The following MAML3 variants were observed in gnomAD, a reference collection of about 807,000 sequenced individuals.
MAML3 encodes mastermind-like protein 3.
Under a neutral mutation model 101.9 loss-of-function variants are expected in MAML3, and 27 were observed. The observed-to-expected ratio is 0.27, with a 90% CI of 0.20 to 0.37. The LOEUF (loss-of-function observed/expected upper bound fraction) is 0.37, where lower values mean the gene tolerates loss of function less well. Among genes scored for constraint, MAML3 ranks in the 10% least tolerant of loss-of-function variants. MAML3 has a pLI of 1.00. For missense variants in MAML3, 1,316 were observed against 1,444.9 expected (o/e 0.91, Z 1.45); for synonymous variants, 501 against 555.9 (o/e 0.90, Z 1.39).
chr4:139,999,036 G>T (rs1245840519), intron 1 of MAML3, among the ~76,000 whole-genome samples: 2 of 152,166 alleles, frequency 1.3e-5, no homozygotes, highest in Non-Finnish European at 2.9e-5. Flanking sequence ...GTAGATATCA[G>T]CCTATGCTTT....
At chr4:139,819,397 T>C (rs965852068) in intron 2 of MAML3, among the ~76,000 whole-genome samples, 1 of 152,228 alleles carries the variant, frequency 6.6e-6, no homozygotes, top group African/African-American at 2.4e-5. Context: ...TTGAATATAA[T>C]GCTAAGAGGC....
chr4:140,084,413 T>G (rs962753640), intron 1 of MAML3, among the ~76,000 whole-genome samples: 1 of 152,236 alleles, frequency 6.6e-6, no homozygotes, highest in African/African-American at 2.4e-5. Context: ...AATGAAGGTA[T>G]GAAACCTGGC....
intron 1 of MAML3, among the ~76,000 whole-genome samples, chr4:140,074,207 A>AAGAG (rs1004116367): frequency 8.1e-6 from 1 of 123,358 alleles, no homozygotes; most frequent in East Asian, 2.3e-4. Context: ...AAGAGAAAGA[A>AAGAG]AGAAAGAAAG....
At chr4:140,078,317 C>T (rs1351014305) in intron 1 of MAML3, among the ~76,000 whole-genome samples, 1 of 152,172 alleles carries the variant, frequency 6.6e-6, no homozygotes, top group African/African-American at 2.4e-5. Flanking sequence ...AAACAGGAGC[C>T]GTACGACCCT....
intron 2 of MAML3, among the ~76,000 whole-genome samples, chr4:139,781,989 G>A (rs1385905045): frequency 6.6e-6 from 1 of 152,210 alleles, no homozygotes; most frequent in Middle Eastern, 3.4e-3. Flanking sequence ...TGGATACCAC[G>A]GGGAACTGTT....
chr4:139,996,115 C>G (rs1477895329), intron 1 of MAML3, among the ~76,000 whole-genome samples: 1 of 152,090 alleles, frequency 6.6e-6, no homozygotes, highest in African/African-American at 2.4e-5. Flanking sequence ...GGTTGGAGAA[C>G]ATATTTCATA....
At chr4:139,967,532 G>A (rs1002683402) in intron 1 of MAML3, among the ~76,000 whole-genome samples, 2 of 145,970 alleles carry the variant, frequency 1.4e-5, no homozygotes, top group Admixed American at 6.9e-5. Context: ...CTTCATCCCC[G>A]GCAGTTTCCC....
chr4:140,114,214 A>G (rs543872088), intron 1 of MAML3, among the ~76,000 whole-genome samples: 2 of 152,320 alleles, frequency 1.3e-5, no homozygotes, highest in East Asian at 3.9e-4. Flanking sequence ...TCTGTGTGCC[A>G]ATCATACTTT....
At chr4:139,973,457 C>T (rs180991622) in intron 1 of MAML3, among the ~76,000 whole-genome samples, 140 of 152,244 alleles carry the variant, frequency 9.2e-4, no homozygotes, top group Non-Finnish European at 1.4e-3. Context: ...TTCGTTTGGG[C>T]GGGTCTACGT....
At chr4:139,752,408 TC>T (rs1263582091) in intron 2 of MAML3, among the ~76,000 whole-genome samples, 3 of 152,148 alleles carry the variant, frequency 2.0e-5, no homozygotes, top group Non-Finnish European at 4.4e-5. Flanking sequence ...ACCCAACTCC[TC>T]TTCCAGTGTG....
intron 1 of MAML3, among the ~76,000 whole-genome samples, chr4:140,148,773 T>A (rs1729106246): frequency 6.6e-6 from 1 of 152,258 alleles, no homozygotes; most frequent in Non-Finnish European, 1.5e-5. Context: ...TTGGATGGGT[T>A]GTAGTTGTCT....
intron 1 of MAML3, among the ~76,000 whole-genome samples, chr4:139,914,877 C>A (rs1732998752): frequency 6.6e-6 from 1 of 152,166 alleles, no homozygotes; most frequent in South Asian, 2.1e-4. Flanking sequence ...ACAAAGGGAG[C>A]CAAGTCTGGA....
chr4:140,143,412 G>T (rs17005566), intron 1 of MAML3, among the ~76,000 whole-genome samples: 1 of 152,118 alleles, frequency 6.6e-6, no homozygotes, highest in African/African-American at 2.4e-5. Context: ...AGCACCATAA[G>T]GTGTTCAGGA....
chr4:140,131,424 G>A (rs1200496571), intron 1 of MAML3, among the ~76,000 whole-genome samples: 1 of 152,102 alleles, frequency 6.6e-6, no homozygotes, highest in African/African-American at 2.4e-5. Flanking sequence ...AGACCTCCAT[G>A]CTACTTCTGC....
At chr4:139,844,976 C>T (rs961711346) in intron 2 of MAML3, among the ~76,000 whole-genome samples, 11 of 152,286 alleles carry the variant, frequency 7.2e-5, no homozygotes, top group African/African-American at 2.4e-4. Context: ...TTCTATTTCT[C>T]TTTCTCTCTC....
At chr4:139,878,759 T>C (rs538385715) in intron 2 of MAML3, among the ~76,000 whole-genome samples, 160 of 152,302 alleles carry the variant, frequency 1.1e-3, no homozygotes, top group African/African-American at 3.7e-3. Flanking sequence ...TGATTGAGCA[T>C]CAGAACACGG....
chr4:140,150,775 G>T (rs2111067209), intron 1 of MAML3, among the ~76,000 whole-genome samples: 1 of 152,186 alleles, frequency 6.6e-6, no homozygotes, highest in Non-Finnish European at 1.5e-5. Context: ...GGCTGGGAGA[G>T]AAATAGGTTG....
intron 2 of MAML3, among the ~76,000 whole-genome samples, chr4:139,838,703 T>C (rs1277199557): frequency 1.1e-4 from 17 of 152,214 alleles, no homozygotes; most frequent in Admixed American, 1.1e-3. Context: ...AAAATGGTGT[T>C]CTGCTATGTT....
At chr4:139,820,600 T>G (rs1730957332) in intron 2 of MAML3, among the ~76,000 whole-genome samples, 1 of 152,228 alleles carries the variant, frequency 6.6e-6, no homozygotes, top group African/African-American at 2.4e-5. Flanking sequence ...AACCTCAAGT[T>G]ATTTACATTC....
Sources: gnomAD v4.1 joint callset for allele counts (sites outside exome capture counted in the v4.1 genomes callset) on GRCh38, gnomAD v4.1.1 for gene constraint, MANE v1.5 for transcripts, NCBI Gene and HGNC (gene_info 2026-07-23, HGNC 2026-07-21) for gene names.